The following BCL2 variants were observed in gnomAD, a reference collection of about 807,000 sequenced individuals.
BCL2 encodes apoptosis regulator Bcl-2.
A neutral mutation model predicts 14.2 loss-of-function variants in BCL2; 1 was observed. The observed-to-expected ratio is 0.07, with a 90% CI of 0.02 to 0.33. The LOEUF is 0.33. Ranked by LOEUF, BCL2 falls within the 10% of genes least tolerant of loss-of-function variation. The probability of loss-of-function intolerance (pLI) is 0.99; values close to 1 mark genes in which losing one functional copy is unlikely to be tolerated. For synonymous variants in BCL2, 151 were observed against 137.2 expected (o/e 1.10, Z -0.70); for missense variants, 247 against 305.9 (o/e 0.81, Z 1.44).
In BCL2 at chr18:63,126,261, C is replaced by T. The variant is rs4987856; in HGVS notation, c.*2364G>A. 0.063 allele frequency: 13,837 copies of T among 220,032 alleles called. 580 individuals are homozygous for T. The highest frequency in any genetic ancestry group is 0.093 in the Non-Finnish European group (10,161 of 109,342). The allele number at this position is 220,032 out of a possible 1,614,324, so 13.6% of individuals were successfully genotyped here. On this transcript the variant is annotated 3_prime_UTR_variant, in exon 3 of 3. Coordinates refer to ENST00000333681, the MANE Select transcript of BCL2 (RefSeq NM_000633.3). ...CAGGTTTCCTGCTTTCTTGGTGGAG[C>T]GTAAGCACCACTGCATTTCAGGAAG... is the stretch of plus-strand genomic sequence containing the variant.
chr18:63,218,694 A>C (rs2144683014), intron 2 of BCL2, among the ~76,000 whole-genome samples: 4 of 352 alleles, frequency 0.011, no homozygotes, highest in Non-Finnish European at 0.017. Flanking sequence ...CACTCATCCC[A>C]TTCTCCACTC....
At chr18:63,210,985 T>C (rs1453137190) in intron 2 of BCL2, among the ~76,000 whole-genome samples, 1 of 152,070 alleles carries the variant, frequency 6.6e-6, no homozygotes, top group Non-Finnish European at 1.5e-5. Flanking sequence ...AATCCTGCTC[T>C]GTCCTTGCTT....
At chr18:63,291,786 C>G (rs1359338551) in intron 2 of BCL2, among the ~76,000 whole-genome samples, 1 of 148,298 alleles carries the variant, frequency 6.7e-6, no homozygotes, top group Non-Finnish European at 1.5e-5. Flanking sequence ...TAGATGTATT[C>G]CTTTCTTGTG....
In BCL2 at chr18:63,127,970, A is replaced by C. The variant is rs1306799513; in HGVS notation, c.*655T>G. 4.4e-6 allele frequency: 1 copy of C among 225,306 alleles called. No individual in the cohort carries two copies. Among genetic ancestry groups the C allele is most frequent in the Non-Finnish European group, 8.9e-6 (1 of 112,816 alleles). The allele number at this position is 225,306 out of a possible 1,614,324, so 14.0% of individuals were successfully genotyped here. On this transcript the variant is annotated 3_prime_UTR_variant, in exon 3 of 3. Coordinates refer to ENST00000333681, the MANE Select transcript of BCL2 (RefSeq NM_000633.3). ...CGCTGTCCTTCGGCGTGGAAATCTC[A>C]GTGGGTACTAGGTCCATCTGAAGTT...
At chr18:63,310,093 C>T (rs748374453) in intron 2 of BCL2, among the ~76,000 whole-genome samples, 18 of 152,126 alleles carry the variant, frequency 1.2e-4, no homozygotes, top group Non-Finnish European at 2.4e-4. Context: ...GAACTCCTGA[C>T]TTCAAGTGAT....
intron 2 of BCL2, among the ~76,000 whole-genome samples, chr18:63,171,949 C>A (rs547253607): frequency 6.6e-6 from 1 of 152,286 alleles, no homozygotes; most frequent in South Asian, 2.1e-4. Flanking sequence ...CCACTGCACT[C>A]CAGCCTGGGT....
intron 2 of BCL2, among the ~76,000 whole-genome samples, chr18:63,147,845 C>T (rs1413215639): frequency 6.6e-6 from 1 of 152,170 alleles, no homozygotes; most frequent in Non-Finnish European, 1.5e-5. Context: ...CCCTATTCCT[C>T]GGGCAATGGA....
chr18:63,281,424 G>A (rs1263169386), intron 2 of BCL2, among the ~76,000 whole-genome samples: 1 of 152,046 alleles, frequency 6.6e-6, no homozygotes, highest in Non-Finnish European at 1.5e-5. Flanking sequence ...CAGCACTTTG[G>A]GAGGCTGAGA....
Position 63,145,339 on chromosome 18 carries a change from C to A in BCL2, c.586-16580G>T, listed in dbSNP as rs542098772. 2.0e-5 allele frequency among the ~76,000 whole-genome samples: 3 copies of A among 151,100 alleles called. No homozygotes were observed. The South Asian group carries it at 6.4e-4, about 32-fold the overall frequency. On this transcript the variant is annotated intron_variant, in intron 2 of 2. Coordinates refer to ENST00000333681, the MANE Select transcript of BCL2 (RefSeq NM_000633.3). ...GAGCATAAGCCCTCAAAGAAGAGAC[C>A]CAGGGGGATACAGGGGGCTTCCCTG...
chr18:63,200,992 A>G (rs1319567642), intron 2 of BCL2, among the ~76,000 whole-genome samples: 4 of 152,208 alleles, frequency 2.6e-5, no homozygotes, highest in Non-Finnish European at 5.9e-5. Context: ...CAGCTCCAGC[A>G]GGCACGGGAT....
chr18:63,316,062 A>G (rs1281875961), intron 2 of BCL2: 1 of 152,622 alleles, frequency 6.6e-6, no homozygotes, highest in Non-Finnish European at 1.5e-5. Context: ...TGTAGCCTCT[A>G]CATTTATCAA....
At chr18:63,240,525 G>A (rs781726997) in intron 2 of BCL2, among the ~76,000 whole-genome samples, 91 of 152,174 alleles carry the variant, frequency 6.0e-4, no homozygotes, top group Non-Finnish European at 1.2e-3. Flanking sequence ...AAGGAATCTG[G>A]ACACAAAGTA....
chr18:63,218,789 C>T, intron 2 of BCL2, among the ~76,000 whole-genome samples: 1 of 97,582 alleles, frequency 1.0e-5, no homozygotes, highest in African/African-American at 3.7e-5. Context: ...CTCCACTCAT[C>T]CCCATCTACT....
chr18:63,178,841 C>G (rs1915410579), intron 2 of BCL2, among the ~76,000 whole-genome samples: 1 of 150,640 alleles, frequency 6.6e-6, no homozygotes, highest in African/African-American at 2.5e-5. Flanking sequence ...ATTAAAATCC[C>G]AGCCATGACC....
intron 2 of BCL2, among the ~76,000 whole-genome samples, chr18:63,211,151 A>T (rs1378453742): frequency 2.2e-4 from 29 of 134,864 alleles, no homozygotes; most frequent in Non-Finnish European, 7.6e-5. Flanking sequence ...GCTCACTGCA[A>T]CCACCACCTC....
At chr18:63,205,314 G>A (rs1909806312) in intron 2 of BCL2, among the ~76,000 whole-genome samples, 1 of 152,202 alleles carries the variant, frequency 6.6e-6, no homozygotes, top group Admixed American at 6.5e-5. Context: ...TGCTTTAAAA[G>A]CAGGGACCAT....
chr18:63,128,430 T>A lies in BCL2; in HGVS notation c.*195A>T, dbSNP rs1913971734. On this transcript the variant is annotated 3_prime_UTR_variant, in exon 3 of 3. Transcript: ENST00000333681. ...ATATTTCCCTTTGGCAGTAAATAGCTGATTCGACGTTTTGCCTGAAGACTG... is the reference window on the plus strand; with the variant it reads ...ATATTTCCCTTTGGCAGTAAATAGCAGATTCGACGTTTTGCCTGAAGACTG... 5 of 447,344 alleles carry A rather than the reference T, an allele frequency of 1.1e-5. 1 individual carries two copies. In the South Asian group the frequency reaches 3.2e-4, roughly 29 times the overall value. The allele number at this position is 447,344 out of a possible 1,614,324, so 27.7% of individuals were successfully genotyped here. A position where few individuals can be genotyped will look rare whatever the true frequency, so the allele number is the denominator to read the frequency against.
At chr18:63,244,490 C>A (rs1369073999) in intron 2 of BCL2, among the ~76,000 whole-genome samples, 1 of 152,024 alleles carries the variant, frequency 6.6e-6, no homozygotes, top group African/African-American at 2.4e-5. Flanking sequence ...ATCTAGGAGG[C>A]GGAGGTTACA....
At chr18:63,274,389 T>C (rs1398769556) in intron 2 of BCL2, among the ~76,000 whole-genome samples, 2 of 151,052 alleles carry the variant, frequency 1.3e-5, no homozygotes, top group African/African-American at 2.4e-5. Context: ...TTCAAGTGAT[T>C]CTCCTGTGCC....
Sources: gnomAD v4.1 joint callset for allele counts (sites outside exome capture counted in the v4.1 genomes callset) on GRCh38, gnomAD v4.1.1 for gene constraint, MANE v1.5 for transcripts, NCBI Gene and HGNC (gene_info 2026-07-23, HGNC 2026-07-21) for gene names.